Variants in MAP4K4 observed in about 807,000 individuals in gnomAD.
MAP4K4 encodes the protein mitogen-activated protein kinase kinase kinase kinase 4.
Under a neutral mutation model 189.6 loss-of-function variants are expected in MAP4K4, and 38 were observed. The ratio of observed to expected loss-of-function variants is 0.20; its 90% CI spans 0.15 to 0.26. The LOEUF (loss-of-function observed/expected upper bound fraction) is 0.26. Ranked by LOEUF, MAP4K4 falls within the 10% of genes least tolerant of loss-of-function variation. The pLI, the probability that MAP4K4 is intolerant of heterozygous loss-of-function variation, is 1.00. For missense variants in MAP4K4, 1,054 were observed against 1,726.9 expected, an observed-to-expected ratio of 0.61 and a Z score of 6.91; for synonymous variants, 610 against 624.3, an observed-to-expected ratio of 0.98 and a Z score of 0.34.
At chr2:101,784,288 A>C (rs5021642) in intron 2 of MAP4K4, among the ~76,000 whole-genome samples, 2 of 133,196 alleles carry the variant, frequency 1.5e-5, no homozygotes, top group Non-Finnish European at 3.2e-5. Context: ...GTGTGTGTGT[A>C]TGTGTGTGTG....
chr2:101,855,098 C>G (rs537032451), intron 12 of MAP4K4, among the ~76,000 whole-genome samples: 1 of 152,300 alleles, frequency 6.6e-6, no homozygotes, highest in African/African-American at 2.4e-5. Flanking sequence ...GAGTTGTCAT[C>G]ACGTGCCTGG....
In MAP4K4 at chr2:101,871,704, C is replaced by T; in HGVS notation, c.2952+19C>T. Reference sequence around the variant, plus strand: ...TAATGAGGTATGTCTCGCACCACAGCTGGCTGCTTTCCTGGGGTTAGACCA... The same window carrying T: ...TAATGAGGTATGTCTCGCACCACAGTTGGCTGCTTTCCTGGGGTTAGACCA... On this transcript the variant is annotated intron_variant, in intron 24 of 32. Coordinates refer to ENST00000324219, the Ensembl canonical transcript of MAP4K4. 3.3e-6 allele frequency: 5 copies of T among 1,532,852 alleles called. No individual in the cohort carries two copies. Among genetic ancestry groups the T allele is most frequent in the Non-Finnish European group, 3.5e-6 (4 of 1,144,360 alleles). The allele number at this position is 1,532,852 out of a possible 1,614,324, so 95.0% of individuals were successfully genotyped here.
At chr2:101,743,656 A>G (rs1289280324) in intron 2 of MAP4K4, among the ~76,000 whole-genome samples, 1 of 151,940 alleles carries the variant, frequency 6.6e-6, no homozygotes, top group Non-Finnish European at 1.5e-5. Context: ...AGCAGATAAC[A>G]CTTTCTTTTT....
At chr2:101,862,638 A>AG (rs1190654460) in intron 16 of MAP4K4, among the ~76,000 whole-genome samples, 1 of 152,190 alleles carries the variant, frequency 6.6e-6, no homozygotes, top group East Asian at 1.9e-4. Context: ...AACTAGAAAG[A>AG]GTCTCCCATT....
chr2:101,842,348 T>C (rs1249919733), intron 10 of MAP4K4, among the ~76,000 whole-genome samples: 1 of 152,202 alleles, frequency 6.6e-6, no homozygotes, highest in Non-Finnish European at 1.5e-5. Context: ...CTGCACGTCC[T>C]CAGCAGTACA....
chr2:101,704,823 G>GACT (rs2041429598), intron 2 of MAP4K4, among the ~76,000 whole-genome samples: 1 of 151,864 alleles, frequency 6.6e-6, no homozygotes, highest in South Asian at 2.1e-4. Flanking sequence ...AGGGAAAGAT[G>GACT]ACTAGGAAGA....
intron 2 of MAP4K4, among the ~76,000 whole-genome samples, chr2:101,780,300 T>C (rs1040233972): frequency 6.6e-6 from 1 of 152,208 alleles, no homozygotes; most frequent in East Asian, 1.9e-4. Context: ...TATGAAACTT[T>C]CAATTTTTTT....
At position 101,842,557 on chromosome 2, in the gene MAP4K4, C is replaced by T. The variant is rs575558555; in HGVS notation, c.950-52C>T. ...TCCTGCAGATGCTTGTCTGAACAGG[C>T]GTGTGTCAGGACTTGTGAACTGTCC... On this transcript the variant is annotated intron_variant, in intron 10 of 32. Transcript: ENST00000324219. The T allele has an allele frequency of 1.2e-4, 153 of 1,317,160 alleles. 4 individuals carry two copies. The South Asian group carries it at 1.8e-3, about 15-fold the overall frequency. 81.6% of individuals were successfully genotyped at this position (1,317,160 alleles called of 1,614,324 possible).
intron 26 of MAP4K4, among the ~76,000 whole-genome samples, chr2:101,875,546 G>T (rs758111670): frequency 6.6e-6 from 1 of 152,136 alleles, no homozygotes; most frequent in Non-Finnish European, 1.5e-5. Flanking sequence ...ATTTATTTCA[G>T]ATTATCTGGA....
intron 2 of MAP4K4, among the ~76,000 whole-genome samples, chr2:101,789,739 A>T (rs1330937238): frequency 6.6e-6 from 1 of 152,210 alleles, no homozygotes; most frequent in Non-Finnish European, 1.5e-5. Flanking sequence ...TAAGTAGATC[A>T]TGCTCAGCAT....
At chr2:101,704,641 C>T (rs983901528) in intron 2 of MAP4K4, among the ~76,000 whole-genome samples, 3 of 129,216 alleles carry the variant, frequency 2.3e-5, no homozygotes, top group Admixed American at 8.6e-5. Flanking sequence ...GGTGTGATCT[C>T]GGCCCACTGC....
Position 101,851,571 on chromosome 2 carries a change from T to G in MAP4K4, c.1234-4406T>G, listed in dbSNP as rs149383304. Among the ~76,000 whole-genome samples, 574 of 152,248 alleles carry G rather than the reference T, an allele frequency of 3.8e-3. 5 individuals carry two copies. Among genetic ancestry groups the G allele is most frequent in the African/African-American group, 0.013 (539 of 41,562 alleles). On this transcript the variant is annotated intron_variant, in intron 12 of 32. Coordinates refer to ENST00000324219, the Ensembl canonical transcript of MAP4K4. ...ATTAAGGACTTTCTTAATTTTTTAA[T>G]GATTCCTCTTAGTGCCCCCAGCTAC... is the stretch of plus-strand genomic sequence containing the variant.
intron 2 of MAP4K4, among the ~76,000 whole-genome samples, chr2:101,724,844 A>C (rs2149488839): frequency 6.6e-6 from 1 of 152,342 alleles, no homozygotes; most frequent in African/African-American, 2.4e-5. Context: ...TGTGCACATA[A>C]GGATGTTTTA....
chr2:101,767,940 T>A (rs1457057483), intron 2 of MAP4K4, among the ~76,000 whole-genome samples: 1 of 152,258 alleles, frequency 6.6e-6, no homozygotes, highest in African/African-American at 2.4e-5. Flanking sequence ...CTTTTGGATT[T>A]GGTGGACTTA....
chr2:101,823,904 ATTTTAT>A lies in MAP4K4; in HGVS notation c.181-13_181-8del, dbSNP rs746215937. On this transcript the variant is annotated intron_variant, in intron 3 of 32. Transcript: ENST00000324219. ...CATTCACATCGTTCAGTAGCCACAC[ATTTTAT>A]TTTTATTTTTTCATAAGGATGAAGA... 1.3e-6 allele frequency: 2 copies of A among 1,577,548 alleles called. No homozygotes were observed. The highest frequency in any genetic ancestry group is 1.3e-5 in the African/African-American group (1 of 74,074).
At chr2:101,811,438 C>G (rs1187831279) in intron 3 of MAP4K4, among the ~76,000 whole-genome samples, 1 of 147,326 alleles carries the variant, frequency 6.8e-6, no homozygotes, top group African/African-American at 2.5e-5. Flanking sequence ...TGGCTTCATT[C>G]TGTATAGTGT....
At chr2:101,885,586 T>C (rs992159739) in intron 29 of MAP4K4, among the ~76,000 whole-genome samples, 2 of 152,224 alleles carry the variant, frequency 1.3e-5, no homozygotes, top group Non-Finnish European at 2.9e-5. Flanking sequence ...AAAGGTGACC[T>C]TCACCTGAGT....
At chr2:101,762,733 T>G (rs1384077676) in intron 2 of MAP4K4, among the ~76,000 whole-genome samples, 1 of 152,190 alleles carries the variant, frequency 6.6e-6, no homozygotes, top group Non-Finnish European at 1.5e-5. Context: ...GTTGTCTCAC[T>G]GGGGCTAGCA....
At chr2:101,724,736 A>G (rs2054263799) in intron 2 of MAP4K4, among the ~76,000 whole-genome samples, 3 of 152,214 alleles carry the variant, frequency 2.0e-5, no homozygotes, top group African/African-American at 7.2e-5. Flanking sequence ...AAAACATTCT[A>G]GTACTACTCC....
Sources: allele counts gnomAD v4.1 joint callset (sites outside exome capture counted in the v4.1 genomes callset), GRCh38; gene constraint gnomAD v4.1.1; transcripts MANE v1.5; gene names NCBI Gene and HGNC (gene_info 2026-07-23, HGNC 2026-07-21).